Variants in GABRB3 observed in about 807,000 individuals in gnomAD.
GABRB3 encodes gamma-aminobutyric acid receptor subunit beta-3.
A neutral mutation model predicts 52.1 loss-of-function variants in GABRB3; 14 were observed. The observed-to-expected ratio is 0.27, with a 90% CI of 0.18 to 0.42. The LOEUF (loss-of-function observed/expected upper bound fraction) is 0.42. GABRB3 is among the 10% of genes least tolerant of loss of function. The pLI, the probability that GABRB3 is intolerant of heterozygous loss-of-function variation, is 1.00. For missense variants in GABRB3, 307 were observed against 609.1 expected (o/e 0.50, Z 5.22); for synonymous variants, 260 against 232.3 (o/e 1.12, Z -1.08).
intron 3 of GABRB3, among the ~76,000 whole-genome samples, chr15:26,760,072 AG>A (rs1890772262): frequency 6.6e-6 from 1 of 152,240 alleles, no homozygotes; most frequent in African/African-American, 2.4e-5. Flanking sequence ...CATAGCATAC[AG>A]CAAAGGGAAC....
At chr15:26,730,775 G>C (rs1181816626) in intron 3 of GABRB3, among the ~76,000 whole-genome samples, 1 of 152,138 alleles carries the variant, frequency 6.6e-6, no homozygotes, top group Non-Finnish European at 1.5e-5. Context: ...TCTGTTTTTT[G>C]CTGGTTATGC....
intron 3 of GABRB3, among the ~76,000 whole-genome samples, chr15:26,682,748 A>G (rs1888277624): frequency 6.6e-6 from 1 of 152,202 alleles, no homozygotes; most frequent in Non-Finnish European, 1.5e-5. Flanking sequence ...TTAGACAATG[A>G]GGTGGGAGGA....
At chr15:26,554,037 T>TATATATATATATATA (rs59100810) in intron 8 of GABRB3, among the ~76,000 whole-genome samples, 2,266 of 58,222 alleles carry the variant, frequency 0.039, 388 homozygotes, top group Admixed American at 0.065. Context: ...ATATATATAT[T>TATATATATATATATA]TATTTATTTA....
chr15:26,711,431 C>G (rs748927432), intron 3 of GABRB3, among the ~76,000 whole-genome samples: 15 of 150,342 alleles, frequency 1.0e-4, no homozygotes, highest in Admixed American at 3.3e-4. Flanking sequence ...AGCTTCGTGA[C>G]GGATGTGGCA....
chr15:26,717,177 A>T (rs1277823037), intron 3 of GABRB3, among the ~76,000 whole-genome samples: 2 of 145,692 alleles, frequency 1.4e-5, no homozygotes, highest in Non-Finnish European at 3.0e-5. Flanking sequence ...AGCTCTGGGG[A>T]CCTCCACCCT....
rs1360069456 is a variant in GABRB3, at chr15:26,545,910, TTA to T, written c.*1881_*1882del. The T allele has an allele frequency of 4.6e-5, 7 of 152,542 alleles. No individual in the cohort carries two copies. The highest frequency in any genetic ancestry group is 2.0e-4 in the Admixed American group (3 of 15,274). 9.4% of individuals were successfully genotyped at this position (152,542 alleles called of 1,614,324 possible). On this transcript the variant is annotated 3_prime_UTR_variant, in exon 9 of 9. Transcript: ENST00000311550. ...TGCCTCTAGCGTGAGATTTTGTGGA[TTA>T]TGTTTTATCTGATGGTGGGTTTTGA... is the stretch of plus-strand genomic sequence containing the variant.
chr15:26,567,556 A>C (rs1212351947), intron 7 of GABRB3, 25 bp downstream of exon 7: 2 of 1,609,816 alleles, frequency 1.2e-6, no homozygotes, highest in Non-Finnish European at 1.7e-6. Flanking sequence ...TTTACATTTA[A>C]ATATCACTTA....
intron 3 of GABRB3, among the ~76,000 whole-genome samples, chr15:26,645,452 T>C (rs1213032732): frequency 6.6e-6 from 1 of 152,168 alleles, no homozygotes; most frequent in Non-Finnish European, 1.5e-5. Flanking sequence ...TGGGTGCAGA[T>C]GCAATGTGGC....
chr15:26,679,351 G>A (rs192530563), intron 3 of GABRB3, among the ~76,000 whole-genome samples: 48 of 152,068 alleles, frequency 3.2e-4, no homozygotes, highest in African/African-American at 1.1e-3. Flanking sequence ...TATCCTCCTT[G>A]AACTTTCAGA....
At chr15:26,665,872 CCT>C (rs1372055543) in intron 3 of GABRB3, among the ~76,000 whole-genome samples, 2 of 152,142 alleles carry the variant, frequency 1.3e-5, no homozygotes, top group East Asian at 1.9e-4. Context: ...AAAGTATAAA[CCT>C]GGCTATTTAT....
rs114329366 is a variant in GABRB3, at chr15:26,672,424, T to C, written c.241-50890A>G. ...ACCCACTTATAGTTCCTGAAGATCA[T>C]CTGCTCTTCCGTAAATGGAGTTTCT... On this transcript the variant is annotated intron_variant, in intron 3 of 8. Coordinates refer to ENST00000311550, the MANE Select transcript of GABRB3 (RefSeq NM_000814.6). 8.2e-3 allele frequency among the ~76,000 whole-genome samples: 1,247 copies of C among 152,294 alleles called. 18 individuals carry two copies. Among genetic ancestry groups the C allele is most frequent in the African/African-American group, 0.029 (1,191 of 41,552 alleles).
At chr15:26,574,408 T>C (rs1890518899) in intron 6 of GABRB3, among the ~76,000 whole-genome samples, 1 of 152,194 alleles carries the variant, frequency 6.6e-6, no homozygotes, top group African/African-American at 2.4e-5. Context: ...CCTAAGTATA[T>C]GAGTTAATTT....
chr15:26,770,533 C>T (rs944918190), intron 3 of GABRB3, among the ~76,000 whole-genome samples: 1 of 152,140 alleles, frequency 6.6e-6, no homozygotes, highest in Non-Finnish European at 1.5e-5. Context: ...AGCATGATGC[C>T]AGAACAACTG....
At chr15:26,647,672 C>G (rs1048239508) in intron 3 of GABRB3, among the ~76,000 whole-genome samples, 6 of 151,726 alleles carry the variant, frequency 4.0e-5, no homozygotes, top group South Asian at 2.1e-4. Context: ...GAAAAAAGAC[C>G]GTTTGGAATG....
chr15:26,733,640 A>G (rs1217822941), intron 3 of GABRB3, among the ~76,000 whole-genome samples: 1 of 152,244 alleles, frequency 6.6e-6, no homozygotes, highest in Non-Finnish European at 1.5e-5. Flanking sequence ...GGCCCATCAT[A>G]AAATTCATAT....
At chr15:26,635,708 A>C (rs545906257) in intron 3 of GABRB3, among the ~76,000 whole-genome samples, 10 of 152,258 alleles carry the variant, frequency 6.6e-5, no homozygotes, top group African/African-American at 2.4e-4. Context: ...GTGAAAATTC[A>C]ATTGCCCTTT....
At chr15:26,557,370 T>C (rs1429008816) in intron 8 of GABRB3, among the ~76,000 whole-genome samples, 2 of 152,166 alleles carry the variant, frequency 1.3e-5, no homozygotes, top group South Asian at 2.1e-4. Flanking sequence ...CACCAAACCC[T>C]TGTGACATGC....
Position 26,754,351 on chromosome 15 carries a change from G to C in GABRB3, c.240+18051C>G, listed in dbSNP as rs143198816. On this transcript the variant is annotated intron_variant, in intron 3 of 8. Coordinates refer to ENST00000311550, the MANE Select transcript of GABRB3 (RefSeq NM_000814.6). ...AGAGACAGAGACAGAGACAGAGAGA[G>C]ATCAGAAGTAGTTGAGAAACTTGGA... is the stretch of plus-strand genomic sequence containing the variant. Among the ~76,000 whole-genome samples the C allele has an allele frequency of 3.1e-3, 471 of 152,284 alleles. 2 individuals are homozygous for C. Among genetic ancestry groups the C allele is most frequent in the South Asian group, 6.2e-3 (30 of 4,824 alleles).
chr15:26,732,011 A>G (rs1889928307), intron 3 of GABRB3, among the ~76,000 whole-genome samples: 1 of 152,144 alleles, frequency 6.6e-6, no homozygotes, highest in Admixed American at 6.6e-5. Context: ...GGACAGATGG[A>G]CAGATGGTTG....
Sources: gnomAD v4.1 joint callset for allele counts (sites outside exome capture counted in the v4.1 genomes callset) on GRCh38, gnomAD v4.1.1 for gene constraint, MANE v1.5 for transcripts, NCBI Gene and HGNC (gene_info 2026-07-23, HGNC 2026-07-21) for gene names.